Variants in ZEB1 observed in about 807,000 individuals in gnomAD.
ZEB1 encodes the protein zinc finger E-box binding homeobox 1.
In ZEB1, 21 loss-of-function variants were observed where a neutral mutation model predicts 84.9. That is an observed-to-expected ratio of 0.25 (90% confidence interval 0.18 to 0.36). ZEB1 has a LOEUF of 0.36. Among genes scored for constraint, ZEB1 ranks in the 10% least tolerant of loss-of-function variants. The pLI is 1.00. For missense variants in ZEB1, 1,104 were observed against 1,330.2 expected, an observed-to-expected ratio of 0.83 and a Z score of 2.65; for synonymous variants, 420 against 471.1, an observed-to-expected ratio of 0.89 and a Z score of 1.41.
chr10:31,382,183 G>C (rs775143597), intron 1 of ZEB1, among the ~76,000 whole-genome samples: 40 of 151,898 alleles, frequency 2.6e-4, no homozygotes, highest in Non-Finnish European at 5.3e-4. Context: ...TTCTGCCAGT[G>C]TCAATACATA....
intron 1 of ZEB1, among the ~76,000 whole-genome samples, chr10:31,459,830 AGTGTGTGT>A (rs3086581): frequency 0.049 from 6,297 of 129,824 alleles, 221 homozygotes; most frequent in African/African-American, 0.1. Flanking sequence ...TGTTCTCAGG[AGTGTGTGT>A]GTGTGTGTGT....
intron 1 of ZEB1, among the ~76,000 whole-genome samples, chr10:31,381,103 A>G (rs1590620247): frequency 6.6e-6 from 1 of 152,210 alleles, no homozygotes; most frequent in East Asian, 1.9e-4. Flanking sequence ...GGAATGAAAC[A>G]ATCACCATTT....
chr10:31,480,524 A>G (rs1332943670), intron 2 of ZEB1, among the ~76,000 whole-genome samples: 3 of 152,064 alleles, frequency 2.0e-5, no homozygotes, highest in Non-Finnish European at 4.4e-5. Flanking sequence ...ACTTGTACAT[A>G]TGTAAAATGA....
At chr10:31,502,236 C>T in intron 3 of ZEB1, 112 bp from the exon 4 acceptor site, 1 of 1,054,922 alleles carries the variant, frequency 9.5e-7, no homozygotes, top group African/African-American at 1.6e-5. Context: ...ATATTTTCTG[C>T]AGATTCAAGA....
At chr10:31,387,320 C>T (rs927072675) in intron 1 of ZEB1, 1 of 985,546 alleles carries the variant, frequency 1.0e-6, no homozygotes, top group African/African-American at 1.7e-5. Flanking sequence ...TAACCTAAGA[C>T]TGGTTTTGGA....
chr10:31,502,015 T>C (rs2068219599), intron 3 of ZEB1, among the ~76,000 whole-genome samples: 1 of 152,186 alleles, frequency 6.6e-6, no homozygotes, highest in African/African-American at 2.4e-5. Flanking sequence ...AAAGTTTTTT[T>C]CTTGCTTTAT....
intron 1 of ZEB1, among the ~76,000 whole-genome samples, chr10:31,364,875 T>C (rs1248342831): frequency 6.6e-6 from 1 of 152,184 alleles, no homozygotes; most frequent in African/African-American, 2.4e-5. Flanking sequence ...ATATCTGTAA[T>C]AAGCACATGC....
intron 1 of ZEB1, among the ~76,000 whole-genome samples, chr10:31,433,605 T>G (rs1423365038): frequency 6.6e-6 from 1 of 152,244 alleles, no homozygotes; most frequent in Non-Finnish European, 1.5e-5. Context: ...TGTTATACTT[T>G]GATGTCCAGC....
chr10:31,387,752 T>A (rs1402971495), intron 1 of ZEB1: 4 of 985,130 alleles, frequency 4.1e-6, no homozygotes, highest in Non-Finnish European at 3.6e-6. Flanking sequence ...GTATTCTGTA[T>A]TACACTTCAG....
intron 1 of ZEB1, among the ~76,000 whole-genome samples, chr10:31,460,658 C>A: frequency 6.6e-6 from 1 of 152,072 alleles, no homozygotes; most frequent in South Asian, 2.1e-4. Flanking sequence ...TCTGCCACTT[C>A]CTAGCTGTGA....
At chr10:31,332,067 A>G (rs1376659525) in intron 1 of ZEB1, among the ~76,000 whole-genome samples, 1 of 152,218 alleles carries the variant, frequency 6.6e-6, no homozygotes, top group African/African-American at 2.4e-5. Flanking sequence ...AAAAGTGAAA[A>G]AAGTTGTAAA....
chr10:31,354,119 A>G (rs1273122419), intron 1 of ZEB1, among the ~76,000 whole-genome samples: 1 of 152,180 alleles, frequency 6.6e-6, no homozygotes, highest in Non-Finnish European at 1.5e-5. Context: ...AGAGCAAAAG[A>G]AGTGGATTTA....
At chr10:31,340,101 T>C (rs921608010) in intron 1 of ZEB1, among the ~76,000 whole-genome samples, 1 of 151,542 alleles carries the variant, frequency 6.6e-6, no homozygotes, top group Non-Finnish European at 1.5e-5. Context: ...AAAATTGTTA[T>C]GTTACTCCAT....
chr10:31,375,798 G>A (rs1168873869), intron 1 of ZEB1, among the ~76,000 whole-genome samples: 1 of 151,542 alleles, frequency 6.6e-6, no homozygotes, highest in African/African-American at 2.4e-5. Flanking sequence ...TTATAGATAT[G>A]GAAAGGAAAA....
At chr10:31,364,436 G>A (rs1264953909) in intron 1 of ZEB1, among the ~76,000 whole-genome samples, 2 of 152,112 alleles carry the variant, frequency 1.3e-5, no homozygotes, top group Non-Finnish European at 2.9e-5. Context: ...TGTTTTGGCC[G>A]GCCCTGTCCC....
chr10:31,381,180 C>T (rs958545611), intron 1 of ZEB1, among the ~76,000 whole-genome samples: 1 of 151,936 alleles, frequency 6.6e-6, no homozygotes, highest in African/African-American at 2.4e-5. Flanking sequence ...ATGAACAAAA[C>T]CTGAAGAAGA....
chr10:31,387,938 T>C (rs1243245788), intron 1 of ZEB1: 1 of 193,106 alleles, frequency 5.2e-6, no homozygotes, highest in Non-Finnish European at 9.5e-6. Flanking sequence ...ATAAATATGT[T>C]GGTTCTATCA....
At chr10:31,439,388 T>C (rs1258056013) in intron 1 of ZEB1, among the ~76,000 whole-genome samples, 1 of 152,180 alleles carries the variant, frequency 6.6e-6, no homozygotes. Flanking sequence ...TTTTGATAAA[T>C]ATTGCCAAAG....
At chr10:31,400,398 C>T (rs2051737586) in intron 1 of ZEB1, among the ~76,000 whole-genome samples, 2 of 152,040 alleles carry the variant, frequency 1.3e-5, no homozygotes, top group South Asian at 4.1e-4. Context: ...ATGCATGGAG[C>T]TAAAGGTATT....
Sources: gnomAD v4.1 joint callset for allele counts (sites outside exome capture counted in the v4.1 genomes callset) on GRCh38, gnomAD v4.1.1 for gene constraint, MANE v1.5 for transcripts, NCBI Gene and HGNC (gene_info 2026-07-23, HGNC 2026-07-21) for gene names.